GLYR1: variants seen among roughly 807,000 people sequenced by gnomAD.
GLYR1 encodes cytokine-like nuclear factor N-PAC.
Under a neutral mutation model 72.7 loss-of-function variants are expected in GLYR1, and 21 were observed. That is an observed-to-expected ratio of 0.29 (90% CI 0.20 to 0.42). The LOEUF (loss-of-function observed/expected upper bound fraction) is 0.42. Ranked by LOEUF, GLYR1 falls within the 10% of genes least tolerant of loss-of-function variation. The pLI, the probability that GLYR1 is intolerant of heterozygous loss-of-function variation, is 1.00. For synonymous variants in GLYR1, 392 were observed against 270.2 expected (o/e 1.45, Z -4.42); for missense variants, 594 against 712.1 (o/e 0.83, Z 1.89).
rs181908673 is a variant in GLYR1, at chr16:4,813,118, G to A, written c.1119+619C>T. Among the ~76,000 whole-genome samples, 571 of 152,032 alleles carry A rather than the reference G, an allele frequency of 3.8e-3. 1 individual carries two copies. The highest frequency in any genetic ancestry group is 4.3e-3 in the African/African-American group (178 of 41,492). On this transcript the variant is annotated intron_variant, in intron 12 of 15. Transcript: ENST00000321919. ...GCTGGGACTACAGGTGCCCGCCACC[G>A]CGTCCGGCTAATTTTTTTGTATTTT...
chr16:4,845,055 C>T lies in GLYR1; in HGVS notation c.155+19G>A. ...ACAGAAAGAAAGGCGAAGGGAGACT[C>T]CTGGTGAGTACTACTCACTGATCTT... On this transcript the variant is annotated intron_variant, in intron 3 of 15. Transcript: ENST00000321919. 6.4e-7 allele frequency: 1 copy of T among 1,551,256 alleles called. No individual in the cohort carries two copies. Among genetic ancestry groups the T allele is most frequent in the Non-Finnish European group, 8.9e-7 (1 of 1,123,108 alleles).
intron 5 of GLYR1, 65 bp from the exon 6 acceptor site, chr16:4,823,972 T>G: frequency 1.2e-5 from 15 of 1,297,108 alleles, no homozygotes; most frequent in Non-Finnish European, 1.6e-5. Flanking sequence ...CCTTGCAAGC[T>G]CCACAGTCTA....
intron 3 of GLYR1, 30 bp downstream of exon 3, chr16:4,845,044 G>T: frequency 1.4e-6 from 2 of 1,465,348 alleles, no homozygotes; most frequent in South Asian, 2.3e-5. Context: ...AAAGAAAGGC[G>T]AAGGGAGACT....
intron 10 of GLYR1, 93 bp downstream of exon 10, chr16:4,817,505 C>T: frequency 1.3e-6 from 1 of 753,242 alleles, no homozygotes; most frequent in South Asian, 1.6e-5. Context: ...TATTCTATTG[C>T]ACGCAGAACG....
At chr16:4,842,040 G>A (rs575121974) in intron 3 of GLYR1, among the ~76,000 whole-genome samples, 17 of 152,048 alleles carry the variant, frequency 1.1e-4, no homozygotes, top group Non-Finnish European at 2.2e-4. Context: ...AGGAGATCAA[G>A]ACCATCTTGG....
At position 4,821,411 on chromosome 16, in the gene GLYR1, C is replaced by T. The variant is rs779863189; in HGVS notation, c.775G>A (p.Val259Met). The change falls in exon 9 of 16, where the codon GTG becomes ATG. Residue 259 changes from valine (V) to methionine (M), a missense_variant. Around this residue, in one of 5 missense-constraint regions of GLYR1, gnomAD observed 266 missense variants for 358.4 expected, o/e 0.74. Coordinates refer to ENST00000321919, the MANE Select transcript of GLYR1 (RefSeq NM_032569.4). ...TSIQAADSTAVNGSITPTDKK... is the reference protein window; with the variant it reads ...TSIQAADSTAMNGSITPTDKK... ...TCTGTGGGTGTGATGCTGCCATTCA[C>T]GGCTGTGCTGTCAGCTGCCTGGATG... 2.2e-5 allele frequency: 36 copies of T among 1,613,446 alleles called. No homozygotes were observed. The highest frequency in any genetic ancestry group is 2.8e-5 in the Non-Finnish European group (33 of 1,180,048).
chr16:4,804,966 T>C lies in GLYR1; in HGVS notation c.*270A>G. ...GTGTGTGTGTGTGTGTGTGTGTGTG[T>C]GTGTGAACACACAGCCACCTCGTCC... On this transcript the variant is annotated 3_prime_UTR_variant, in exon 16 of 16. Coordinates refer to ENST00000321919, the MANE Select transcript of GLYR1 (RefSeq NM_032569.4). The C allele has an allele frequency of 1.9e-6, 1 of 538,350 alleles. No individual in the cohort carries two copies. Among genetic ancestry groups the C allele is most frequent in the Non-Finnish European group, 3.4e-6 (1 of 296,170 alleles). The allele number at this position is 538,350 out of a possible 1,614,324, so 33.3% of individuals were successfully genotyped here. A position where few individuals can be genotyped will look rare whatever the true frequency, so the allele number is the denominator to read the frequency against.
chr16:4,812,836 G>A (rs1310077842), intron 12 of GLYR1, among the ~76,000 whole-genome samples: 2 of 151,164 alleles, frequency 1.3e-5, no homozygotes, highest in African/African-American at 4.9e-5. Flanking sequence ...TTGCTCTGTT[G>A]CCCAGGCTGG....
chr16:4,846,228 A>G lies in GLYR1; in HGVS notation c.39-18T>C. 6.2e-7 allele frequency: 1 copy of G among 1,613,826 alleles called. No individual in the cohort carries two copies. Among genetic ancestry groups the G allele is most frequent in the Non-Finnish European group, 8.5e-7 (1 of 1,179,800 alleles). On this transcript the variant is annotated intron_variant, in intron 1 of 15. Coordinates refer to ENST00000321919, the MANE Select transcript of GLYR1 (RefSeq NM_032569.4). ...GTTTCCCCCTAGAGAAAACACAAAG[A>G]GTCAACACTTGCCCTGCAAAAGCCA... is the stretch of plus-strand genomic sequence containing the variant.
intron 5 of GLYR1, among the ~76,000 whole-genome samples, chr16:4,824,683 C>T (rs2084266890): frequency 6.6e-6 from 1 of 152,088 alleles, no homozygotes; most frequent in Admixed American, 6.5e-5. Context: ...TCTCCTGAGA[C>T]GGACACAGGA....
intron 12 of GLYR1, among the ~76,000 whole-genome samples, chr16:4,813,472 G>A (rs969002445): frequency 4.6e-5 from 7 of 152,154 alleles, no homozygotes; most frequent in Admixed American, 4.6e-4. Flanking sequence ...AATGCCAGGC[G>A]GGCGGCCTGG....
intron 5 of GLYR1, among the ~76,000 whole-genome samples, chr16:4,831,639 C>T (rs1405103292): frequency 6.6e-6 from 1 of 152,168 alleles, no homozygotes; most frequent in Non-Finnish European, 1.5e-5. Flanking sequence ...GCATCCAGGC[C>T]GTGTCTCTCA....
At position 4,823,818 on chromosome 16, in the gene GLYR1, T is replaced by G. The variant is rs755531830; in HGVS notation, c.624+3A>C. 1.2e-6 allele frequency: 2 copies of G among 1,612,934 alleles called. No individual in the cohort carries two copies. Among genetic ancestry groups the G allele is most frequent in the Non-Finnish European group, 1.7e-6 (2 of 1,179,706 alleles). ...TTGTCCTGCCTGCAGGAGAGCTCCT[T>G]ACCTCGCTTGCGGTTGGCTGCCATT... On this transcript the variant is annotated splice_donor_region_variant and intron_variant, in intron 6 of 15. Coordinates refer to ENST00000321919, the MANE Select transcript of GLYR1 (RefSeq NM_032569.4).
chr16:4,813,045 C>T (rs1294890932), intron 12 of GLYR1, among the ~76,000 whole-genome samples: 1 of 151,812 alleles, frequency 6.6e-6, no homozygotes, highest in Non-Finnish European at 1.5e-5. Context: ...TCACTGCAAG[C>T]TCCGCCTCCT....
intron 3 of GLYR1, 123 bp from the exon 4 acceptor site, chr16:4,833,035 G>A: frequency 1.2e-6 from 1 of 839,276 alleles, no homozygotes; most frequent in East Asian, 2.9e-5. Context: ...AATAGGCCTT[G>A]CCATTTCTTT....
intron 2 of GLYR1, 83 bp from the exon 3 acceptor site, chr16:4,845,236 A>C: frequency 6.9e-6 from 6 of 867,440 alleles, no homozygotes; most frequent in Non-Finnish European, 9.5e-6. Context: ...CTACAGTTCT[A>C]CGTTGCTAAG....
intron 10 of GLYR1, among the ~76,000 whole-genome samples, chr16:4,816,060 C>T (rs2083622995): frequency 6.6e-6 from 1 of 152,214 alleles, no homozygotes; most frequent in Non-Finnish European, 1.5e-5. Context: ...TGAGCCACCG[C>T]ACCCGGCCTT....
At chr16:4,811,962 A>C (rs368485326) in intron 13 of GLYR1, 124 bp downstream of exon 13, 8 of 1,430,832 alleles carry the variant, frequency 5.6e-6, no homozygotes, top group Non-Finnish European at 4.7e-6. Context: ...CTGACTATGC[A>C]GGTGAAAGGA....
chr16:4,836,796 G>A (rs1398657208), intron 3 of GLYR1, among the ~76,000 whole-genome samples: 4 of 146,310 alleles, frequency 2.7e-5, no homozygotes, highest in African/African-American at 1.0e-4. Context: ...TTTGAATGGT[G>A]AACACATATT....
Sources: allele counts gnomAD v4.1 joint callset (sites outside exome capture counted in the v4.1 genomes callset), GRCh38; gene constraint gnomAD v4.1.1; regional missense constraint gnomAD v4.1.1; transcripts MANE v1.5; gene names NCBI Gene and HGNC (gene_info 2026-07-23, HGNC 2026-07-21).